ANXA4: variants seen among roughly 807,000 people sequenced by gnomAD.
The protein encoded by ANXA4 is annexin A4, also known as 35-beta calcimedin.
Under a neutral mutation model 49.8 loss-of-function variants are expected in ANXA4, and 39 were observed. The ratio of observed to expected loss-of-function variants is 0.78; its 90% confidence interval spans 0.61 to 1.02. The LOEUF is 1.02. Among genes scored for constraint, ANXA4 ranks in the 50% least tolerant of loss-of-function variants. The pLI, the probability that ANXA4 is intolerant of heterozygous loss-of-function variation, is 0.00. For missense variants in ANXA4, 360 were observed against 410.1 expected (o/e 0.88, Z 1.05); for synonymous variants, 134 against 152.5 (o/e 0.88, Z 0.89).
intron 3 of ANXA4, among the ~76,000 whole-genome samples, chr2:69,799,658 C>G (rs980997245): frequency 1.3e-5 from 2 of 152,166 alleles, no homozygotes; most frequent in African/African-American, 4.8e-5. Flanking sequence ...TCCTTGGGGG[C>G]CAACACCTTC....
chr2:69,808,032 C>A (rs367906194), intron 6 of ANXA4, 36 bp downstream of exon 6: 183 of 1,591,146 alleles, frequency 1.2e-4, no homozygotes, highest in Non-Finnish European at 1.5e-4. Context: ...GCTGAGGTTT[C>A]GCTGTGATTA....
At chr2:69,790,443 G>A (rs1286418498) in intron 3 of ANXA4, among the ~76,000 whole-genome samples, 1 of 152,118 alleles carries the variant, frequency 6.6e-6, no homozygotes, top group African/African-American at 2.4e-5. Flanking sequence ...GTTTCTAAGC[G>A]AGAAGAGATA....
At chr2:69,731,976 C>CTTTTTTTTTTTTTTTTTTTTTTTTTTTTT (rs1349540007) in intron 3 of ANXA4, among the ~76,000 whole-genome samples, 1 of 107,010 alleles carries the variant, frequency 9.3e-6, no homozygotes, top group African/African-American at 4.0e-5. Context: ...ATTTTCTTTT[C>CTTTTTTTTTTTTTTTTTTTTTTTTTTTTT]TTTCTTTTTT....
At chr2:69,823,110 CAATA>C (rs1266414131) in intron 12 of ANXA4, among the ~76,000 whole-genome samples, 1 of 149,274 alleles carries the variant, frequency 6.7e-6, no homozygotes, top group Admixed American at 6.7e-5. Flanking sequence ...TACTATTAAT[CAATA>C]GGGAATAACA....
upstream of ANXA4, among the ~76,000 whole-genome samples, chr2:69,740,860 T>TG (rs201341621): frequency 0.023 from 3,398 of 145,268 alleles, 148 homozygotes; most frequent in African/African-American, 0.084. Flanking sequence ...TATATGTTTT[T>TG]TTTTTTTTTT....
chr2:69,808,000 C>T lies in ANXA4; in HGVS notation c.397+4C>T, dbSNP rs757798574. ...ATAAGCCAAACCTACCAGCAGCGTA[C>T]GTGACATCCGCAGTGGCCCTGGCTG... On this transcript the variant is annotated splice_donor_region_variant and intron_variant, in intron 6 of 12. Coordinates refer to ENST00000394295, the MANE Select transcript of ANXA4 (RefSeq NM_001153.5). The T allele has an allele frequency of 2.2e-5, 36 of 1,613,668 alleles. No homozygotes were observed. Among genetic ancestry groups the T allele is most frequent in the Non-Finnish European group, 2.7e-5 (32 of 1,179,768 alleles).
intron 1 of ANXA4, among the ~76,000 whole-genome samples, chr2:69,747,590 A>G (rs1265865455): frequency 6.6e-6 from 1 of 152,214 alleles, no homozygotes; most frequent in African/African-American, 2.4e-5. Context: ...CATTTTTCGT[A>G]CAATTTCAAG....
intron 3 of ANXA4, among the ~76,000 whole-genome samples, chr2:69,794,575 A>ATGTTAT (rs1408557906): frequency 6.7e-6 from 1 of 148,486 alleles, no homozygotes; most frequent in African/African-American, 2.5e-5. Context: ...ATGTTATGTT[A>ATGTTAT]TTTTTGAGAC....
At chr2:69,692,165 G>A (rs549063601) in intron 2 of ANXA4, among the ~76,000 whole-genome samples, 8 of 152,294 alleles carry the variant, frequency 5.3e-5, no homozygotes, top group East Asian at 1.9e-4. Flanking sequence ...GATTACAGGC[G>A]TGAGCCACCG....
chr2:69,759,606 C>G (rs2105519340), intron 1 of ANXA4, among the ~76,000 whole-genome samples: 1 of 152,164 alleles, frequency 6.6e-6, no homozygotes, highest in East Asian at 1.9e-4. Context: ...TCAGATCACA[C>G]AGTTTACTTT....
chr2:69,770,856 G>A (rs1244070435), intron 1 of ANXA4, among the ~76,000 whole-genome samples: 1 of 151,896 alleles, frequency 6.6e-6, no homozygotes, highest in African/African-American at 2.4e-5. Flanking sequence ...TTGGGAGGGT[G>A]AGGCAGACGA....
intron 1 of ANXA4, among the ~76,000 whole-genome samples, chr2:69,645,660 T>C (rs1675982094): frequency 6.6e-6 from 1 of 152,210 alleles, no homozygotes; most frequent in Admixed American, 6.5e-5. Context: ...CCCAATATGC[T>C]TAAGGTAGCT....
At position 69,723,188 on chromosome 2, in the gene ANXA4, CA is replaced by C. The variant is rs35252771; in HGVS notation, n.864+2331del. On this transcript the variant is annotated intron_variant and non_coding_transcript_variant, in intron 3 of 3. Transcript: ENST00000418066. ...CCTCGGCGACAGAGCAAGACTGTCTCAAAAAAAAAAAAAAGTATAATGAAGG... is the reference window on the plus strand; with the variant it reads ...CCTCGGCGACAGAGCAAGACTGTCTCAAAAAAAAAAAAAGTATAATGAAGG... 1.8e-3 allele frequency among the ~76,000 whole-genome samples: 203 copies of C among 114,138 alleles called. 1 individual carries two copies. The highest frequency in any genetic ancestry group is 0.011 in the South Asian group (41 of 3,600). 74.9% of individuals were successfully genotyped at this position (114,138 alleles called of 152,430 possible). A position where few individuals can be genotyped will look rare whatever the true frequency, so the allele number is the denominator to read the frequency against.
Position 69,816,976 on chromosome 2 carries a change from A to G in ANXA4, c.628+782A>G, listed in dbSNP as rs1259813489. On this transcript the variant is annotated intron_variant, in intron 9 of 12. Coordinates refer to ENST00000394295, the MANE Select transcript of ANXA4 (RefSeq NM_001153.5). ...AATTGAGAAGTACAACACATTCTGAAGTTGTAATTATTTCAGGTTTTTCAC... is the reference window on the plus strand; with the variant it reads ...AATTGAGAAGTACAACACATTCTGAGGTTGTAATTATTTCAGGTTTTTCAC... The G allele has an allele frequency of 3.3e-5, 5 of 152,246 alleles. No individual in the cohort carries two copies. In the East Asian group the frequency reaches 9.6e-4, roughly 29 times the overall value. 9.4% of individuals were successfully genotyped at this position (152,246 alleles called of 1,614,324 possible). A position where few individuals can be genotyped will look rare whatever the true frequency, so the allele number is the denominator to read the frequency against.
intron 1 of ANXA4, among the ~76,000 whole-genome samples, chr2:69,779,343 C>A (rs1352090728): frequency 6.6e-6 from 1 of 152,160 alleles, no homozygotes. Flanking sequence ...ACAGCAGGTT[C>A]ATTGTCTTAT....
At chr2:69,782,105 C>T (rs899082433) in intron 2 of ANXA4, among the ~76,000 whole-genome samples, 1 of 152,170 alleles carries the variant, frequency 6.6e-6, no homozygotes, top group Non-Finnish European at 1.5e-5. Flanking sequence ...TAAAGTTCAG[C>T]TCTGAGGTGG....
At chr2:69,668,933 G>A (rs893535588) in intron 2 of ANXA4, among the ~76,000 whole-genome samples, 2 of 149,484 alleles carry the variant, frequency 1.3e-5, no homozygotes, top group Non-Finnish European at 3.0e-5. Flanking sequence ...CATTCCTTTT[G>A]AGCCTTTTTT....
At chr2:69,746,493 A>C (rs1219201397) in intron 1 of ANXA4, among the ~76,000 whole-genome samples, 1 of 152,178 alleles carries the variant, frequency 6.6e-6, no homozygotes, top group Non-Finnish European at 1.5e-5. Flanking sequence ...AGATTACTAC[A>C]TTAATTCCCT....
chr2:69,685,833 G>A (rs1677766961), intron 2 of ANXA4, among the ~76,000 whole-genome samples: 2 of 152,150 alleles, frequency 1.3e-5, no homozygotes, highest in Non-Finnish European at 2.9e-5. Flanking sequence ...ACTGGCCCTG[G>A]GTTGGGGGCG....
Sources: gnomAD v4.1 joint callset for allele counts (sites outside exome capture counted in the v4.1 genomes callset) on GRCh38, gnomAD v4.1.1 for gene constraint, MANE v1.5 for transcripts, NCBI Gene and HGNC (gene_info 2026-07-23, HGNC 2026-07-21) for gene names.